The following CCDC92B variants were observed in gnomAD, a reference collection of about 807,000 sequenced individuals.
The protein encoded by CCDC92B is coiled-coil domain containing 92B.
Under a neutral mutation model 5.6 loss-of-function variants are expected in CCDC92B, and 2 were observed. The observed-to-expected ratio is 0.36, with a 90% CI of 0.15 to 1.12. The LOEUF is 1.12. CCDC92B is among the 50% of genes most tolerant of loss of function. The pLI is 0.40. For missense variants in CCDC92B, 271 were observed against 262.2 expected (o/e 1.03, Z -0.23); for synonymous variants, 115 against 122.3 (o/e 0.94, Z 0.39).
rs1444220339 is a variant in CCDC92B, at chr17:2,724,561, G to A, written c.618C>T (p.Pro206=). Residue 206 remains proline (P), a synonymous_variant, in exon 4 of 4, where the codon CCC becomes CCT. Transcript: ENST00000614400. This position sits in a 1 kb window ranked among gnomAD's most constrained non-coding sequence, Gnocchi z 5.0. The part of the protein sequence containing the change: ...RGAGALDDAD[P]MPDPALFLYA... ...AGAGGAAGAGCGCGGGGTCGGGCAT[G>A]GGGTCGGCGTCGTCGAGGGCGCCGG... 2 of 982,172 alleles carry A rather than the reference G, an allele frequency of 2.0e-6. No homozygotes were observed. Among genetic ancestry groups the A allele is most frequent in the African/African-American group, 3.5e-5 (2 of 56,792 alleles). The allele number at this position is 982,172 out of a possible 1,614,324, so 60.8% of individuals were successfully genotyped here. A position where few individuals can be genotyped will look rare whatever the true frequency, so the allele number is the denominator to read the frequency against.
intron 1 of CCDC92B, among the ~76,000 whole-genome samples, chr17:2,741,479 C>G (rs1427783889): frequency 6.7e-6 from 1 of 148,574 alleles, no homozygotes; most frequent in Non-Finnish European, 1.5e-5. Context: ...GAGATCGAGA[C>G]CAGCCTGGCC....
At chr17:2,729,494 CAAAAA>C (rs34350398) in intron 3 of CCDC92B, among the ~76,000 whole-genome samples, 27 of 114,256 alleles carry the variant, frequency 2.4e-4, no homozygotes, top group South Asian at 3.1e-4. Context: ...GACTCCGTCT[CAAAAA>C]AAAAAAAAAA....
At chr17:2,737,756 G>A (rs560641237) in intron 1 of CCDC92B, among the ~76,000 whole-genome samples, 17 of 151,998 alleles carry the variant, frequency 1.1e-4, no homozygotes, top group African/African-American at 2.2e-4. Flanking sequence ...TATTACGGGC[G>A]TGAGCCACCG....
At chr17:2,727,640 A>G (rs1005510431) in intron 3 of CCDC92B, among the ~76,000 whole-genome samples, 1 of 152,176 alleles carries the variant, frequency 6.6e-6, no homozygotes, top group African/African-American at 2.4e-5. Flanking sequence ...CCTGGCCAGC[A>G]TGGCGAAACC....
At chr17:2,745,090 A>AAAAAAAAT (rs72203225) in intron 1 of CCDC92B, among the ~76,000 whole-genome samples, 2 of 143,000 alleles carry the variant, frequency 1.4e-5, no homozygotes, top group African/African-American at 5.3e-5. Flanking sequence ...AAAAAAAAAA[A>AAAAAAAAT]GATAAAATAA....
chr17:2,738,643 C>T (rs1286890539), intron 1 of CCDC92B, among the ~76,000 whole-genome samples: 1 of 151,552 alleles, frequency 6.6e-6, no homozygotes, highest in Admixed American at 6.6e-5. Context: ...GCCTGTAGTC[C>T]CAGCTACTCG....
chr17:2,722,706 G>C lies in CCDC92B; in HGVS notation c.*1705C>G, dbSNP rs1028696962. Reference sequence around the variant, plus strand: ...TCACCTCCCAGACCCCTGCGTGACAGAATGTGTGGCCTCAGCCAGGGTCAG... The same window carrying C: ...TCACCTCCCAGACCCCTGCGTGACACAATGTGTGGCCTCAGCCAGGGTCAG... On this transcript the variant is annotated 3_prime_UTR_variant, in exon 4 of 4. Coordinates refer to ENST00000614400, the MANE Select transcript of CCDC92B (RefSeq NM_001355573.2). 1.3e-5 allele frequency: 2 copies of C among 152,328 alleles called. No homozygotes were observed. Among genetic ancestry groups the C allele is most frequent in the East Asian group, 3.8e-4 (2 of 5,202 alleles). 9.4% of individuals were successfully genotyped at this position (152,328 alleles called of 1,614,324 possible). A position where few individuals can be genotyped will look rare whatever the true frequency, so the allele number is the denominator to read the frequency against.
chr17:2,737,872 T>G (rs2070874619), intron 1 of CCDC92B, among the ~76,000 whole-genome samples: 1 of 151,876 alleles, frequency 6.6e-6, no homozygotes, highest in Non-Finnish European at 1.5e-5. Flanking sequence ...CAGGGAACAT[T>G]ATACACATGA....
intron 2 of CCDC92B, among the ~76,000 whole-genome samples, chr17:2,734,248 T>G (rs1235996883): frequency 1.3e-5 from 2 of 152,128 alleles, no homozygotes; most frequent in Non-Finnish European, 2.9e-5. Context: ...TCCAGGGAGT[T>G]GAAGCACCCC....
chr17:2,745,066 CAAAAAAAA>C (rs60179555), intron 1 of CCDC92B, among the ~76,000 whole-genome samples: 1 of 79,340 alleles, frequency 1.3e-5, no homozygotes, highest in Non-Finnish European at 2.3e-5. Context: ...GACCCTGTCT[CAAAAAAAA>C]AAAAAAAAAA....
At chr17:2,731,114 A>G (rs2070790989) in intron 2 of CCDC92B, among the ~76,000 whole-genome samples, 1 of 152,120 alleles carries the variant, frequency 6.6e-6, no homozygotes, top group South Asian at 2.1e-4. Flanking sequence ...AAGGGCTTCG[A>G]GCAGGACGGT....
intron 2 of CCDC92B, among the ~76,000 whole-genome samples, chr17:2,730,912 AGCTGATGGCC>A (rs1373388321): frequency 1.3e-5 from 2 of 152,180 alleles, no homozygotes; most frequent in Non-Finnish European, 2.9e-5. Context: ...TTTCGTGTTT[AGCTGATGGCC>A]GCTGGAGTGT....
intron 3 of CCDC92B, among the ~76,000 whole-genome samples, chr17:2,729,293 C>T (rs1490555261): frequency 1.3e-5 from 2 of 152,096 alleles, no homozygotes; most frequent in African/African-American, 2.4e-5. Context: ...GAGTTTGAGA[C>T]CAGCCTGGCC....
At chr17:2,730,400 G>C in intron 3 of CCDC92B, 46 bp downstream of exon 3, 1 of 972,278 alleles carries the variant, frequency 1.0e-6, no homozygotes, top group Non-Finnish European at 1.2e-6. Context: ...AAAAACTCCA[G>C]CTGTTGGGCC....
chr17:2,732,087 A>G (rs1181980531), intron 2 of CCDC92B, among the ~76,000 whole-genome samples: 1 of 152,224 alleles, frequency 6.6e-6, no homozygotes, highest in Non-Finnish European at 1.5e-5. Flanking sequence ...AGAAAAAAAC[A>G]GCGGGCTTGG....
At chr17:2,733,483 T>G (rs750208432) in intron 2 of CCDC92B, among the ~76,000 whole-genome samples, 10 of 149,142 alleles carry the variant, frequency 6.7e-5, no homozygotes, top group African/African-American at 1.5e-4. Context: ...GGTCTCGAAC[T>G]CCCGACCTCA....
At chr17:2,725,160 G>C (rs972917511) in intron 3 of CCDC92B, among the ~76,000 whole-genome samples, 160 bp from the exon 4 acceptor site, 2 of 152,094 alleles carry the variant, frequency 1.3e-5, no homozygotes, top group African/African-American at 4.8e-5. Flanking sequence ...ATGGACTTGA[G>C]GTCAGGAGTT....
intron 1 of CCDC92B, chr17:2,748,465 C>T (rs1055219189): frequency 8.4e-6 from 8 of 950,598 alleles, no homozygotes; most frequent in South Asian, 9.7e-5. Flanking sequence ...CATGCCTGCA[C>T]GCACCTGGCT....
In CCDC92B at chr17:2,721,841, T is replaced by C. The variant is rs917570338; in HGVS notation, c.*2570A>G. 1.3e-5 allele frequency: 2 copies of C among 152,190 alleles called. No homozygotes were observed. The highest frequency in any genetic ancestry group is 4.8e-5 in the African/African-American group (2 of 41,404). 9.4% of individuals were successfully genotyped at this position (152,190 alleles called of 1,614,324 possible). A position where few individuals can be genotyped will look rare whatever the true frequency, so the allele number is the denominator to read the frequency against. ...CACAAACAATTGTCATTATCTGTGGTTGCTGGAAGAGGGATGGGAGTTGGG... is the reference window on the plus strand; with the variant it reads ...CACAAACAATTGTCATTATCTGTGGCTGCTGGAAGAGGGATGGGAGTTGGG... On this transcript the variant is annotated 3_prime_UTR_variant, in exon 4 of 4. Coordinates refer to ENST00000614400, the MANE Select transcript of CCDC92B (RefSeq NM_001355573.2).
Sources: gnomAD v4.1 joint callset for allele counts (sites outside exome capture counted in the v4.1 genomes callset) on GRCh38, gnomAD v4.1.1 for gene constraint, Gnocchi (gnomAD v3.1) non-coding constraint, MANE v1.5 for transcripts, NCBI Gene and HGNC (gene_info 2026-07-23, HGNC 2026-07-21) for gene names.